The following KAT8 variants were observed in gnomAD, a reference collection of about 807,000 sequenced individuals.
The protein encoded by KAT8 is histone acetyltransferase KAT8.
KAT8 carries 40 observed loss-of-function variants against 62.9 expected under a neutral mutation model. That is an observed-to-expected ratio of 0.64 (90% CI 0.49 to 0.83). KAT8 has a LOEUF of 0.83. Among genes scored for constraint, KAT8 ranks in the 40% least tolerant of loss-of-function variants. The pLI, the probability that KAT8 is intolerant of heterozygous loss-of-function variation, is 0.00. For synonymous variants in KAT8, 278 were observed against 254.5 expected, an observed-to-expected ratio of 1.09 and a Z score of -0.88; for missense variants, 387 against 614.8, an observed-to-expected ratio of 0.63 and a Z score of 3.92.
At chr16:31,127,160 A>T in intron 4 of KAT8, 29 bp from the exon 5 acceptor site, 1 of 1,614,056 alleles carries the variant, frequency 6.2e-7, no homozygotes, top group South Asian at 1.1e-5. Flanking sequence ...TGAGCCGTGC[A>T]CTGTGCCTCA....
intron 3 of KAT8, 43 bp from the exon 4 acceptor site, chr16:31,126,992 A>G (rs2057536140): frequency 1.2e-6 from 2 of 1,610,350 alleles, no homozygotes; most frequent in Non-Finnish European, 1.7e-6. Context: ...CAGCCTGGTC[A>G]CCACTTCTGT....
At chr16:31,127,119 C>A in intron 4 of KAT8, 31 bp downstream of exon 4, 1 of 1,609,436 alleles carries the variant, frequency 6.2e-7, no homozygotes, top group Non-Finnish European at 8.5e-7. Context: ...GCCTGCAGGT[C>A]CCCCGTCTCC....
In KAT8 at chr16:31,130,260, C is replaced by T. The variant is rs2057566161; in HGVS notation, c.913-7C>T. ...CCCCAGCGGCCCTGAGCACCTGCCT[C>T]CTGCAGGAGAAGGAGTCCCCGGATG... On this transcript the variant is annotated splice_polypyrimidine_tract_variant and splice_region_variant and intron_variant, in intron 7 of 10. Coordinates refer to ENST00000219797, the MANE Select transcript of KAT8 (RefSeq NM_032188.3). 6.2e-7 allele frequency: 1 copy of T among 1,614,124 alleles called. No homozygotes were observed. The highest frequency in any genetic ancestry group is 8.5e-7 in the Non-Finnish European group (1 of 1,179,966).
intron 3 of KAT8, chr16:31,122,393 C>T (rs1432314991): frequency 6.6e-6 from 1 of 152,138 alleles, no homozygotes; most frequent in Non-Finnish European, 1.5e-5. Context: ...TGTTACAGTG[C>T]CAAGTGTACT....
rs1233482130 is a variant in KAT8, at chr16:31,120,332, C to T, written c.287-7C>T. On this transcript the variant is annotated splice_region_variant and splice_polypyrimidine_tract_variant and intron_variant, in intron 2 of 10. Coordinates refer to ENST00000219797, the MANE Select transcript of KAT8 (RefSeq NM_032188.3). Reference sequence around the variant, plus strand: ...CCTGGCAGCACTCTTATGGCCCATACTTACAGTTAACCGGCGGCTGGACGA... The same window carrying T: ...CCTGGCAGCACTCTTATGGCCCATATTTACAGTTAACCGGCGGCTGGACGA... 6.2e-7 allele frequency: 1 copy of T among 1,613,882 alleles called. No homozygotes were observed. The highest frequency in any genetic ancestry group is 1.1e-5 in the South Asian group (1 of 91,094).
Position 31,127,291 on chromosome 16 carries a change from C to G in KAT8, c.619C>G (p.Leu207Val), listed in dbSNP as rs766885964. The change falls in exon 5 of 11, where the codon CTC becomes GTC. Residue 207 changes from leucine to valine, a missense_variant. Physicochemically the swap from Leu to Val is conservative, Grantham distance 32 (BLOSUM62 1). Around this residue, in one of 6 missense-constraint regions of KAT8, gnomAD observed 141 missense variants for 222.5 expected, o/e 0.63. Coordinates refer to ENST00000219797, the MANE Select transcript of KAT8 (RefSeq NM_032188.3). Reference protein sequence around the residue: ...FPEDYGKQPKLWLCEYCLKYM... With the variant: ...FPEDYGKQPKVWLCEYCLKYM... ...CGAAGACTATGGGAAACAGCCCAAG[C>G]TCTGGCTCTGCGAGTACTGCCTCAA... is the stretch of plus-strand genomic sequence containing the variant. The G allele has an allele frequency of 6.2e-7, 1 of 1,614,256 alleles. No individual in the cohort carries two copies. The highest frequency in any genetic ancestry group is 1.1e-5 in the South Asian group (1 of 91,090).
intron 3 of KAT8, among the ~76,000 whole-genome samples, chr16:31,124,764 T>C (rs4404083): frequency 0.72 from 106,233 of 146,540 alleles, 38,893 homozygotes; most frequent in East Asian, 1. Context: ...CTATGGCTCA[T>C]GCCTGTAATC....
In KAT8 at chr16:31,130,848, G is replaced by A. The variant is rs748494783; in HGVS notation, c.1260G>A (p.Lys420=). Residue 420 remains lysine (K), a synonymous_variant, in exon 10 of 11, where the codon AAG becomes AAA. Coordinates refer to ENST00000219797, the MANE Select transcript of KAT8 (RefSeq NM_032188.3). Reference sequence around the variant, plus strand: ...AGCACGTGATCTGTGTCACACCCAAGCTGGTGGAGGAGCACCTCAAAAGTG... The same window carrying A: ...AGCACGTGATCTGTGTCACACCCAAACTGGTGGAGGAGCACCTCAAAAGTG... ...KGQHVICVTP[K]LVEEHLKSAQ... is the part of the protein sequence containing the mutation. 3.1e-6 allele frequency: 5 copies of A among 1,613,678 alleles called. No individual in the cohort carries two copies. The highest frequency in any genetic ancestry group is 4.2e-6 in the Non-Finnish European group (5 of 1,180,000).
chr16:31,130,639 C>G, intron 9 of KAT8, 33 bp downstream of exon 9: 1 of 1,612,410 alleles, frequency 6.2e-7, no homozygotes, highest in Non-Finnish European at 8.5e-7. Context: ...GGGGGCAGGA[C>G]TTGCCCTGAG....
intron 6 of KAT8, among the ~76,000 whole-genome samples, chr16:31,129,033 C>G (rs1467359663): frequency 6.6e-6 from 1 of 152,234 alleles, no homozygotes; most frequent in East Asian, 1.9e-4. Flanking sequence ...CACTTCCTCA[C>G]TGACCACAGA....
rs2057525450 is a variant in KAT8 at position 31,125,390 on chromosome 16, G to C, written c.463-1645G>C. On this transcript the variant is annotated intron_variant, in intron 3 of 10. Coordinates refer to ENST00000219797, the MANE Select transcript of KAT8 (RefSeq NM_032188.3). ...AGTGCGAGGCTGGTTGATCACCTGA[G>C]GTCAGGAGTTTGAGAACAGCCTGGC... is the stretch of plus-strand genomic sequence containing the variant. Among the ~76,000 whole-genome samples, 4 of 151,978 alleles carry C rather than the reference G, an allele frequency of 2.6e-5. No individual in the cohort carries two copies. The South Asian group carries it at 8.3e-4, about 32-fold the overall frequency.
chr16:31,129,007 G>C (rs2057553174), intron 6 of KAT8, among the ~76,000 whole-genome samples: 2 of 152,210 alleles, frequency 1.3e-5, no homozygotes, highest in Non-Finnish European at 2.9e-5. Flanking sequence ...CTTCAGGGTG[G>C]CTCATGTTGC....
At chr16:31,122,118 G>A (rs1366487283) in intron 3 of KAT8, 1 of 152,170 alleles carries the variant, frequency 6.6e-6, no homozygotes, top group Non-Finnish European at 1.5e-5. Flanking sequence ...AAAGTCTCCA[G>A]ACACCCAGAC....
chr16:31,130,789 C>CA lies in KAT8; in HGVS notation c.1203dup (p.Ser402IlefsTer31). The CA allele has an allele frequency of 6.2e-7, 1 of 1,614,172 alleles. No individual in the cohort carries two copies. Among genetic ancestry groups the CA allele is most frequent in the Non-Finnish European group, 8.5e-7 (1 of 1,180,022 alleles). On this transcript the variant is annotated frameshift_variant, in exon 10 of 11. Transcript: ENST00000219797. LOFTEE classifies it high-confidence loss of function. ...CCAAAATGACATCATCAGTACCCTG[C>CA]AATCCCTCAATATGGTCAAGTACTG...
Position 31,131,292 on chromosome 16 carries a change from C to T in KAT8, c.*33C>T, listed in dbSNP as rs750199129. 5.0e-6 allele frequency: 8 copies of T among 1,612,730 alleles called. No individual in the cohort carries two copies. In the Admixed American group the frequency reaches 1.0e-4, roughly 20 times the overall value. ...GGCCCCTGCTGTCGGACCTGAGCCT[C>T]CTGGCTCCCAGCCTGTAAATATGTA... On this transcript the variant is annotated 3_prime_UTR_variant, in exon 11 of 11. Coordinates refer to ENST00000219797, the MANE Select transcript of KAT8 (RefSeq NM_032188.3).
chr16:31,126,777 C>G, intron 3 of KAT8: 1 of 523,642 alleles, frequency 1.9e-6, no homozygotes, highest in Middle Eastern at 5.2e-4. Context: ...CTGATCCTAA[C>G]CCTGTTCATC....
chr16:31,126,738 GC>G (rs1348783895), intron 3 of KAT8: 3 of 389,652 alleles, frequency 7.7e-6, no homozygotes, highest in East Asian at 4.7e-5. Context: ...GAGCTGGATT[GC>G]CCCCCATCGT....
At position 31,130,376 on chromosome 16, in the gene KAT8, C is replaced by T; in HGVS notation, c.1006+16C>T. On this transcript the variant is annotated intron_variant, in intron 8 of 10. Transcript: ENST00000219797. Reference sequence around the variant, plus strand: ...ATCGCTTTCAGTGAGTGGTTCCTGGCCTGTCTGGGAGGGGGAGACCTGTGG... The same window carrying T: ...ATCGCTTTCAGTGAGTGGTTCCTGGTCTGTCTGGGAGGGGGAGACCTGTGG... 5.6e-6 allele frequency: 9 copies of T among 1,614,158 alleles called. No individual in the cohort carries two copies. Among genetic ancestry groups the T allele is most frequent in the Non-Finnish European group, 7.6e-6 (9 of 1,179,996 alleles).
At chr16:31,120,117 T>G in intron 1 of KAT8, 69 bp from the exon 2 acceptor site, 1 of 1,330,728 alleles carries the variant, frequency 7.5e-7, no homozygotes, top group Non-Finnish European at 1.1e-6. Context: ...GGAAACTGCT[T>G]CTCAGTGTGC....
Sources: gnomAD v4.1 joint callset for allele counts (sites outside exome capture counted in the v4.1 genomes callset) on GRCh38, gnomAD v4.1.1 for gene constraint, gnomAD v4.1.1 regional missense constraint, MANE v1.5 for transcripts, NCBI Gene and HGNC (gene_info 2026-07-23, HGNC 2026-07-21) for gene names.